The following ZRANB3 variants were observed in gnomAD, a reference collection of about 807,000 sequenced individuals.
The protein encoded by ZRANB3 is zinc finger RANBP2-type containing 3.
In ZRANB3, 125 loss-of-function variants were observed where a neutral mutation model predicts 133.8. That is an observed-to-expected ratio of 0.93 (90% confidence interval 0.81 to 1.08). The LOEUF (loss-of-function observed/expected upper bound fraction) is 1.08, where lower values mean the gene tolerates loss of function less well. ZRANB3 is among the 50% of genes least tolerant of loss of function. The pLI, the probability that ZRANB3 is intolerant of heterozygous loss-of-function variation, is 0.00. For synonymous variants in ZRANB3, 387 were observed against 432.7 expected, an observed-to-expected ratio of 0.89 and a Z score of 1.31; for missense variants, 1,229 against 1,275.5, an observed-to-expected ratio of 0.96 and a Z score of 0.56.
intron 2 of ZRANB3, among the ~76,000 whole-genome samples, chr2:135,481,068 T>A (rs1447827329): frequency 2.6e-5 from 4 of 152,102 alleles, no homozygotes; most frequent in African/African-American, 9.7e-5. Context: ...AATGCCGCAA[T>A]AAACATACGT....
chr2:135,261,736 A>C (rs1036158141), intron 12 of ZRANB3, among the ~76,000 whole-genome samples: 1 of 152,230 alleles, frequency 6.6e-6, no homozygotes, highest in Non-Finnish European at 1.5e-5. Flanking sequence ...ATGAACTTGT[A>C]AACACAGTTT....
intron 12 of ZRANB3, among the ~76,000 whole-genome samples, chr2:135,238,408 T>C (rs1161889620): frequency 1.3e-5 from 2 of 151,854 alleles, no homozygotes; most frequent in East Asian, 3.9e-4. Flanking sequence ...TTTTTTTTTT[T>C]TTGAGGCAGA....
intron 2 of ZRANB3, among the ~76,000 whole-genome samples, chr2:135,466,108 C>T (rs768811843): frequency 7.2e-5 from 11 of 152,222 alleles, no homozygotes; most frequent in African/African-American, 1.4e-4. Flanking sequence ...ATGGGCCAGG[C>T]GTGGTGGCTC....
At chr2:135,491,566 T>G (rs1190685595) in intron 2 of ZRANB3, among the ~76,000 whole-genome samples, 1 of 151,982 alleles carries the variant, frequency 6.6e-6, no homozygotes, top group Admixed American at 6.6e-5. Context: ...CAGGCTGGAG[T>G]GCAGTGGCGC....
intron 2 of ZRANB3, among the ~76,000 whole-genome samples, chr2:135,404,430 T>C (rs1652441424): frequency 6.6e-6 from 1 of 152,086 alleles, no homozygotes; most frequent in African/African-American, 2.4e-5. Context: ...GAACAAAGCC[T>C]CCAAGAAATA....
intron 20 of ZRANB3, 35 bp from the exon 21 acceptor site, chr2:135,200,475 G>A (rs1176643094): frequency 1.3e-6 from 2 of 1,509,272 alleles, no homozygotes; most frequent in Admixed American, 4.1e-5. Context: ...GTACACGTTA[G>A]GAAAAAAGCA....
At chr2:135,378,523 C>T (rs922184319) in intron 3 of ZRANB3, among the ~76,000 whole-genome samples, 3 of 151,302 alleles carry the variant, frequency 2.0e-5, no homozygotes, top group African/African-American at 7.3e-5. Flanking sequence ...ACGTAAAACA[C>T]AACTCTCCAT....
chr2:135,331,263 C>T (rs1410420835), intron 6 of ZRANB3, among the ~76,000 whole-genome samples: 1 of 152,096 alleles, frequency 6.6e-6, no homozygotes, highest in African/African-American at 2.4e-5. Context: ...TACGTTGTGC[C>T]TTTTTTCTCA....
intron 2 of ZRANB3, among the ~76,000 whole-genome samples, chr2:135,393,618 G>C (rs1687345525): frequency 6.6e-6 from 1 of 152,076 alleles, no homozygotes; most frequent in Non-Finnish European, 1.5e-5. Flanking sequence ...GCTTTTGGTG[G>C]ATAAGTGAAA....
At chr2:135,231,321 A>G (rs1358757685) in intron 12 of ZRANB3, among the ~76,000 whole-genome samples, 1 of 152,186 alleles carries the variant, frequency 6.6e-6, no homozygotes, top group East Asian at 1.9e-4. Context: ...ACATTACCCT[A>G]AATATATGTC....
At chr2:135,428,193 A>T (rs1435870480) in intron 2 of ZRANB3, among the ~76,000 whole-genome samples, 1 of 152,220 alleles carries the variant, frequency 6.6e-6, no homozygotes, top group Non-Finnish European at 1.5e-5. Flanking sequence ...CTGTAATCCT[A>T]GCACTTTGCA....
intron 6 of ZRANB3, among the ~76,000 whole-genome samples, chr2:135,335,649 C>T (rs1465794757): frequency 6.6e-6 from 1 of 152,088 alleles, no homozygotes; most frequent in African/African-American, 2.4e-5. Flanking sequence ...GCAGAGATTG[C>T]ACCACTGCAC....
intron 2 of ZRANB3, among the ~76,000 whole-genome samples, chr2:135,494,621 C>G (rs767636647): frequency 2.6e-5 from 4 of 152,152 alleles, no homozygotes; most frequent in Admixed American, 1.3e-4. Context: ...TACAGTGAAA[C>G]TGGACCAAAC....
intron 17 of ZRANB3, among the ~76,000 whole-genome samples, chr2:135,216,969 G>T (rs981707059): frequency 1.3e-5 from 2 of 152,116 alleles, no homozygotes; most frequent in African/African-American, 4.8e-5. Flanking sequence ...AATATCTGAC[G>T]GTCAACCTTT....
At chr2:135,511,963 T>C (rs1273402768) in intron 1 of ZRANB3, 3 of 728,840 alleles carry the variant, frequency 4.1e-6, no homozygotes, top group Non-Finnish European at 2.5e-6. Flanking sequence ...CAATTCAAAC[T>C]GAGGGGAAAA....
intron 12 of ZRANB3, among the ~76,000 whole-genome samples, chr2:135,254,845 G>A (rs1342495130): frequency 6.6e-6 from 1 of 151,794 alleles, no homozygotes; most frequent in Non-Finnish European, 1.5e-5. Context: ...CCACCTCCCG[G>A]GTTTACACCA....
At chr2:135,324,827 G>A (rs1683731766) in intron 6 of ZRANB3, among the ~76,000 whole-genome samples, 2 of 151,996 alleles carry the variant, frequency 1.3e-5, no homozygotes, top group African/African-American at 2.4e-5. Context: ...TTTCTCTGAT[G>A]AGCAGTGATG....
chr2:135,495,258 T>TA (rs1167919469), intron 2 of ZRANB3, among the ~76,000 whole-genome samples: 1 of 151,954 alleles, frequency 6.6e-6, no homozygotes, highest in East Asian at 1.9e-4. Flanking sequence ...TAAAAAAAAA[T>TA]AAAAAGTTAA....
intron 3 of ZRANB3, among the ~76,000 whole-genome samples, chr2:135,381,377 G>C (rs917452207): frequency 2.6e-5 from 4 of 152,198 alleles, no homozygotes; most frequent in Non-Finnish European, 1.5e-5. Context: ...CGGAGCCCAC[G>C]GCAGTTCAAT....
Sources: allele counts gnomAD v4.1 joint callset (sites outside exome capture counted in the v4.1 genomes callset), GRCh38; gene constraint gnomAD v4.1.1; transcripts MANE v1.5; gene names NCBI Gene and HGNC (gene_info 2026-07-23, HGNC 2026-07-21).